Variants in PCDHA3 observed in about 807,000 individuals in gnomAD.
PCDHA3 encodes protocadherin alpha 3, also known as protocadherin alpha-3.
In PCDHA3, 41 loss-of-function variants were observed where a neutral mutation model predicts 62.2. The ratio of observed to expected loss-of-function variants is 0.66; its 90% confidence interval spans 0.51 to 0.86. The LOEUF is 0.86. PCDHA3 is among the 40% of genes least tolerant of loss of function. The pLI is 0.00. For missense variants in PCDHA3, 1,304 were observed against 1,241.2 expected, an observed-to-expected ratio of 1.05 and a Z score of -0.76; for synonymous variants, 640 against 555.4, an observed-to-expected ratio of 1.15 and a Z score of -2.14.
chr5:140,803,919 GT>G (rs1376004851), intron 1 of PCDHA3: 4 of 488,620 alleles, frequency 8.2e-6, no homozygotes, highest in African/African-American at 2.0e-5. Flanking sequence ...ACTTCGACTT[GT>G]TTTATACTTA....
In PCDHA3 at chr5:140,848,538, C is replaced by T. The variant is rs1354116035; in HGVS notation, c.2394+44947C>T. 7 of 1,595,202 alleles carry T rather than the reference C, an allele frequency of 4.4e-6. No individual in the cohort carries two copies. The Admixed American group carries it at 1.0e-4, about 23-fold the overall frequency. ...AGGAGATCCAGAGGGTCAGCCTCTA[C>T]TGCTCTCGCTTCTGATCCTCGCAAT... is the stretch of plus-strand genomic sequence containing the variant. On this transcript the variant is annotated intron_variant, in intron 1 of 3. Transcript: ENST00000522353.
intron 1 of PCDHA3, chr5:140,871,029 G>A (rs782042665): frequency 1.9e-6 from 3 of 1,613,228 alleles, no homozygotes; most frequent in Non-Finnish European, 2.5e-6. Flanking sequence ...CAGACTCGCC[G>A]CGCCACCGAC....
At chr5:140,956,958 A>C (rs970237928) in intron 1 of PCDHA3, among the ~76,000 whole-genome samples, 4 of 134,798 alleles carry the variant, frequency 3.0e-5, no homozygotes, top group Non-Finnish European at 6.6e-5. Context: ...AAACACTGTA[A>C]TTAATCAGTC....
intron 2 of PCDHA3, among the ~76,000 whole-genome samples, chr5:140,982,104 G>A (rs1280175443): frequency 6.6e-6 from 1 of 152,256 alleles, no homozygotes; most frequent in Non-Finnish European, 1.5e-5. Flanking sequence ...GAACCTGCAA[G>A]AGAGGCTTGG....
rs2150131362 is a variant in PCDHA3 at position 140,824,004 on chromosome 5, G to T, written c.2394+20413G>T. On this transcript the variant is annotated intron_variant, in intron 1 of 3. Transcript: ENST00000522353. ...AGCCCACTCTGTTGTGCTCCAGCGCGGTGGGGAGCTGGTCGTACTCGCAGC... is the reference window on the plus strand; with the variant it reads ...AGCCCACTCTGTTGTGCTCCAGCGCTGTGGGGAGCTGGTCGTACTCGCAGC... The T allele has an allele frequency of 3.1e-6, 5 of 1,614,112 alleles. No individual in the cohort carries two copies. The East Asian group carries it at 1.1e-4, about 36-fold the overall frequency.
intron 1 of PCDHA3, among the ~76,000 whole-genome samples, chr5:140,943,373 A>G (rs1554215633): frequency 6.6e-6 from 1 of 152,128 alleles, no homozygotes; most frequent in East Asian, 1.9e-4. Flanking sequence ...TCATTAAAAT[A>G]TACAGGTAAG....
At chr5:140,829,633 C>G in intron 1 of PCDHA3, 1 of 1,612,272 alleles carries the variant, frequency 6.2e-7, no homozygotes, top group Non-Finnish European at 8.5e-7. Context: ...ACGCGGAGAG[C>G]GGCAAGGTGT....
chr5:140,855,892 G>A, intron 1 of PCDHA3: 3 of 1,011,396 alleles, frequency 3.0e-6, no homozygotes, highest in Non-Finnish European at 4.3e-6. Context: ...TAGAACAAAG[G>A]CATCAGCCAG....
rs2096830970 is a variant in PCDHA3, at chr5:140,978,991, A to C, written c.2437A>C (p.Arg813=). Residue 813 remains arginine, a synonymous_variant, in exon 2 of 4, where the codon AGA becomes CGA. Coordinates refer to ENST00000522353, the MANE Select transcript of PCDHA3 (RefSeq NM_018906.3). ...TGACTGGCGTTACTCTGCCTCCCTG[A>C]GAGCAGGCATGCACAGGTATGTATT... ...NPDWRYSASL[R]AGMHSSVHLE... is the part of the protein sequence containing the mutation. 1.2e-6 allele frequency: 2 copies of C among 1,614,188 alleles called. No individual in the cohort carries two copies. Among genetic ancestry groups the C allele is most frequent in the East Asian group, 2.2e-5 (1 of 44,882 alleles).
intron 1 of PCDHA3, among the ~76,000 whole-genome samples, chr5:140,973,558 T>C (rs1427190876): frequency 6.6e-6 from 1 of 152,238 alleles, no homozygotes; most frequent in Admixed American, 6.5e-5. Flanking sequence ...AATTACCTCT[T>C]TCCTCAATTT....
intron 1 of PCDHA3, among the ~76,000 whole-genome samples, chr5:140,820,077 G>A (rs2150105714): frequency 5.9e-5 from 9 of 151,896 alleles, no homozygotes; most frequent in Admixed American, 3.3e-4. Flanking sequence ...ATCAGCTAAT[G>A]CTGTTTTCTA....
rs1349053689 is a variant in PCDHA3 at position 140,855,989 on chromosome 5, A to C, written c.2394+52398A>C. The C allele has an allele frequency of 3.4e-6, 5 of 1,484,810 alleles. No homozygotes were observed. The African/African-American group carries it at 7.0e-5, about 21-fold the overall frequency. The allele number at this position is 1,484,810 out of a possible 1,614,324, so 92.0% of individuals were successfully genotyped here. ...TATAAGAAATAGGACAGAAAATGTCAGATCGTATGTGCGTTCTAGACCGCT... is the reference window on the plus strand; with the variant it reads ...TATAAGAAATAGGACAGAAAATGTCCGATCGTATGTGCGTTCTAGACCGCT... On this transcript the variant is annotated intron_variant, in intron 1 of 3. Transcript: ENST00000522353.
intron 1 of PCDHA3, among the ~76,000 whole-genome samples, chr5:140,885,485 TTC>T (rs1412041657): frequency 1.3e-5 from 2 of 152,188 alleles, no homozygotes; most frequent in Admixed American, 6.5e-5. Context: ...GTGTCAAGTG[TTC>T]TGTTATCTTC....
At chr5:140,973,800 C>A (rs1554235613) in intron 1 of PCDHA3, among the ~76,000 whole-genome samples, 1 of 152,236 alleles carries the variant, frequency 6.6e-6, no homozygotes, top group Non-Finnish European at 1.5e-5. Context: ...ATGCTGTCTA[C>A]TTGACAGAAT....
intron 1 of PCDHA3, among the ~76,000 whole-genome samples, chr5:140,901,437 C>G (rs1554189835): frequency 1.3e-5 from 2 of 152,132 alleles, no homozygotes; most frequent in Non-Finnish European, 2.9e-5. Flanking sequence ...ATATGGATAT[C>G]TAGTTTCCCA....
intron 1 of PCDHA3, among the ~76,000 whole-genome samples, chr5:140,879,347 T>A (rs530902728): frequency 3.3e-5 from 5 of 152,206 alleles, no homozygotes; most frequent in Admixed American, 2.0e-4. Context: ...GCTGAGAAGA[T>A]GACATTGCCA....
chr5:141,000,485 T>C (rs2097941579), intron 3 of PCDHA3, among the ~76,000 whole-genome samples: 2 of 135,980 alleles, frequency 1.5e-5, no homozygotes, highest in African/African-American at 5.5e-5. Flanking sequence ...TGGAGTGCAA[T>C]GGTAAGATCT....
chr5:140,942,846 A>C (rs1239885134), intron 1 of PCDHA3, among the ~76,000 whole-genome samples: 1 of 152,312 alleles, frequency 6.6e-6, no homozygotes, highest in East Asian at 1.9e-4. Flanking sequence ...AAATTCCAGT[A>C]AGATGATTAT....
chr5:141,001,360 A>G (rs1432580617), intron 3 of PCDHA3, among the ~76,000 whole-genome samples: 2 of 152,212 alleles, frequency 1.3e-5, no homozygotes, highest in Non-Finnish European at 2.9e-5. Flanking sequence ...GTTTAAGCCT[A>G]CTATTCTGAT....
Sources: gnomAD v4.1 joint callset for allele counts (sites outside exome capture counted in the v4.1 genomes callset) on GRCh38, gnomAD v4.1.1 for gene constraint, MANE v1.5 for transcripts, NCBI Gene and HGNC (gene_info 2026-07-23, HGNC 2026-07-21) for gene names.